THSD7B: variants seen among roughly 807,000 people sequenced by gnomAD.
THSD7B encodes thrombospondin type-1 domain-containing protein 7B.
Under a neutral mutation model 213.6 loss-of-function variants are expected in THSD7B, and 138 were observed. The observed-to-expected ratio is 0.65, with a 90% CI of 0.56 to 0.74. The LOEUF (loss-of-function observed/expected upper bound fraction) is 0.74. THSD7B is among the 30% of genes least tolerant of loss of function. The probability of loss-of-function intolerance (pLI) is 0.00; values close to 1 mark genes in which losing one functional copy is unlikely to be tolerated. For missense variants in THSD7B, 1,931 were observed against 1,991.5 expected (o/e 0.97, Z 0.58); for synonymous variants, 742 against 687.0 (o/e 1.08, Z -1.25).
intron 4 of THSD7B, among the ~76,000 whole-genome samples, chr2:137,099,498 C>T (rs995142527): frequency 3.9e-5 from 6 of 152,142 alleles, no homozygotes; most frequent in Non-Finnish European, 5.9e-5. Flanking sequence ...AGATCTCTTG[C>T]GCTTTAATAG....
intron 2 of THSD7B, among the ~76,000 whole-genome samples, chr2:137,028,170 T>C (rs1469158873): frequency 6.6e-6 from 1 of 152,206 alleles, no homozygotes; most frequent in Admixed American, 6.5e-5. Context: ...GTCAAAGCAA[T>C]GCAGTCGTCT....
intron 2 of THSD7B, among the ~76,000 whole-genome samples, chr2:136,898,148 C>T (rs1388447551): frequency 1.4e-4 from 21 of 152,218 alleles, no homozygotes; most frequent in Admixed American, 1.4e-3. Context: ...TAGCTGGCTT[C>T]ACCTCTCATT....
rs555203593 is a variant in THSD7B, at chr2:136,932,488, A to G, written c.139+50171A>G. Among the ~76,000 whole-genome samples, 572 of 146,722 alleles carry G rather than the reference A, an allele frequency of 3.9e-3. 5 individuals are homozygous for G. The highest frequency in any genetic ancestry group is 6.4e-3 in the Non-Finnish European group (414 of 65,176). On this transcript the variant is annotated intron_variant, in intron 2 of 27. Coordinates refer to ENST00000409968, the MANE Select transcript of THSD7B (RefSeq NM_001316349.2). ...TGTTTTGAAACTTAACTAATAGGCT[A>G]TGGTTGACAGGAAGCTCTACTGATA...
chr2:136,985,840 C>T (rs1270674636), intron 2 of THSD7B, among the ~76,000 whole-genome samples: 1 of 152,236 alleles, frequency 6.6e-6, no homozygotes, highest in Non-Finnish European at 1.5e-5. Context: ...AGGGACTGCA[C>T]CCTGCAAAGC....
intron 15 of THSD7B, among the ~76,000 whole-genome samples, chr2:137,519,007 G>A (rs1327544605): frequency 6.6e-6 from 1 of 152,174 alleles, no homozygotes; most frequent in Non-Finnish European, 1.5e-5. Flanking sequence ...CAGCACTTTG[G>A]GAGGCCAAGG....
intron 5 of THSD7B, among the ~76,000 whole-genome samples, chr2:137,123,849 C>T (rs1165418279): frequency 1.3e-5 from 2 of 152,022 alleles, no homozygotes; most frequent in Non-Finnish European, 2.9e-5. Flanking sequence ...TCTGTTTTCT[C>T]TCCTCCCTCC....
rs534855801 is a variant in THSD7B, at chr2:137,519,544, C to G, written c.3139-43677C>G. Among the ~76,000 whole-genome samples the G allele has an allele frequency of 7.2e-4, 109 of 152,284 alleles. 1 individual carries two copies. The South Asian group carries it at 0.013, about 18-fold the overall frequency. ...GGTTCATCAGAAACAGAATGTCTCACTTCTTACTGGTTTTCATTTTGGCGT... is the reference window on the plus strand; with the variant it reads ...GGTTCATCAGAAACAGAATGTCTCAGTTCTTACTGGTTTTCATTTTGGCGT... On this transcript the variant is annotated intron_variant, in intron 15 of 27. Coordinates refer to ENST00000409968, the MANE Select transcript of THSD7B (RefSeq NM_001316349.2).
chr2:137,354,743 A>C (rs1685092819), intron 12 of THSD7B, among the ~76,000 whole-genome samples: 2 of 151,924 alleles, frequency 1.3e-5, no homozygotes, highest in African/African-American at 4.8e-5. Context: ...GAATCAAGGT[A>C]CTACTTTTGT....
intron 26 of THSD7B, among the ~76,000 whole-genome samples, chr2:137,664,577 C>A (rs1214359079): frequency 6.6e-6 from 1 of 152,166 alleles, no homozygotes; most frequent in Admixed American, 6.5e-5. Flanking sequence ...GCTGGTTGTA[C>A]AGCATGAAAT....
chr2:137,136,444 G>A (rs918815261), intron 5 of THSD7B, among the ~76,000 whole-genome samples: 6 of 152,238 alleles, frequency 3.9e-5, no homozygotes, highest in Non-Finnish European at 7.4e-5. Flanking sequence ...TTTCAATCAG[G>A]CCCTCTTATG....
intron 5 of THSD7B, among the ~76,000 whole-genome samples, chr2:137,142,609 A>G (rs1229597500): frequency 2.0e-5 from 3 of 152,148 alleles, no homozygotes; most frequent in Non-Finnish European, 4.4e-5. Flanking sequence ...CAATAATTGT[A>G]TATAAGCCAT....
intron 2 of THSD7B, among the ~76,000 whole-genome samples, chr2:137,006,802 A>T (rs1686122722): frequency 6.6e-6 from 1 of 152,188 alleles, no homozygotes; most frequent in Admixed American, 6.5e-5. Context: ...TAAGGGGCAC[A>T]TTTTACATTT....
At chr2:137,468,084 C>T (rs1010596572) in intron 15 of THSD7B, among the ~76,000 whole-genome samples, 1 of 152,032 alleles carries the variant, frequency 6.6e-6, no homozygotes, top group Non-Finnish European at 1.5e-5. Context: ...TGTTTTGATC[C>T]AAGTTAAACC....
At chr2:136,915,191 T>C (rs1684330201) in intron 2 of THSD7B, among the ~76,000 whole-genome samples, 1 of 152,174 alleles carries the variant, frequency 6.6e-6, no homozygotes, top group East Asian at 1.9e-4. Context: ...CTAGCCTTTT[T>C]CAAGACATTT....
chr2:137,141,693 G>A (rs1679590807), intron 5 of THSD7B, among the ~76,000 whole-genome samples: 1 of 151,842 alleles, frequency 6.6e-6, no homozygotes, highest in African/African-American at 2.4e-5. Context: ...GCGTGTGTGT[G>A]TGTGTGTGTG....
rs752673863 is a variant in THSD7B at position 137,616,304 on chromosome 2, T to C, written c.3553T>C (p.Tyr1185His). 1.3e-5 allele frequency: 21 copies of C among 1,613,560 alleles called. No individual in the cohort carries two copies. In the South Asian group the frequency reaches 1.9e-4, roughly 14 times the overall value. ...LLNENCFQFQ[Y>H]NLTEWSTCQL... is the part of the protein sequence containing the mutation. Reference sequence around the variant, plus strand: ...GAATGAAAATTGCTTCCAGTTCCAGTACAATCTAACAGGTACAGTTAAAAT... The same window carrying C: ...GAATGAAAATTGCTTCCAGTTCCAGCACAATCTAACAGGTACAGTTAAAAT... Residue 1185 changes from tyrosine (Y) to histidine (H), a missense_variant, in exon 18 of 28, where the codon TAC becomes CAC. Coordinates refer to ENST00000409968, the MANE Select transcript of THSD7B (RefSeq NM_001316349.2).
chr2:137,027,051 G>A (rs1463835799), intron 2 of THSD7B, among the ~76,000 whole-genome samples: 1 of 152,152 alleles, frequency 6.6e-6, no homozygotes, highest in Non-Finnish European at 1.5e-5. Context: ...TTTTGTAACT[G>A]TATAATGTGG....
At chr2:137,185,224 T>A (rs1214912431) in intron 7 of THSD7B, among the ~76,000 whole-genome samples, 1 of 151,824 alleles carries the variant, frequency 6.6e-6, no homozygotes, top group African/African-American at 2.4e-5. Flanking sequence ...CAGGGCTGAC[T>A]GCAAAGTTAT....
At chr2:136,837,780 A>T (rs1682867222) in intron 1 of THSD7B, among the ~76,000 whole-genome samples, 1 of 151,940 alleles carries the variant, frequency 6.6e-6, no homozygotes, top group Non-Finnish European at 1.5e-5. Flanking sequence ...CCATCCTCTA[A>T]TTTTCATCTT....
Sources: gnomAD v4.1 joint callset for allele counts (sites outside exome capture counted in the v4.1 genomes callset) on GRCh38, gnomAD v4.1.1 for gene constraint, MANE v1.5 for transcripts, NCBI Gene and HGNC (gene_info 2026-07-23, HGNC 2026-07-21) for gene names.